ATP8B4: variants seen among roughly 807,000 people sequenced by gnomAD.
The protein encoded by ATP8B4 is probable phospholipid-transporting ATPase IM.
A neutral mutation model predicts 145.6 loss-of-function variants in ATP8B4; 133 were observed. The observed-to-expected ratio is 0.91, with a 90% CI of 0.79 to 1.05. The LOEUF (loss-of-function observed/expected upper bound fraction) is 1.05, where lower values mean the gene tolerates loss of function less well. ATP8B4 is among the 50% of genes least tolerant of loss of function. ATP8B4 has a pLI of 0.00. For synonymous variants in ATP8B4, 507 were observed against 492.9 expected (o/e 1.03, Z -0.38); for missense variants, 1,458 against 1,425.2 (o/e 1.02, Z -0.37).
upstream of ATP8B4, among the ~76,000 whole-genome samples, chr15:50,121,988 A>T (rs1179022821): frequency 3.3e-5 from 5 of 152,180 alleles, no homozygotes; most frequent in Admixed American, 3.3e-4. Flanking sequence ...CCAACTTTAC[A>T]CACATTTCAT....
At chr15:50,140,384 A>C (rs1014257177) in intron 1 of ATP8B4, among the ~76,000 whole-genome samples, 12 of 152,306 alleles carry the variant, frequency 7.9e-5, no homozygotes, top group African/African-American at 2.6e-4. Context: ...ATCACTTACA[A>C]TCCATTTCCT....
intron 6 of ATP8B4, among the ~76,000 whole-genome samples, chr15:50,015,247 A>C (rs547772600): frequency 9.8e-5 from 15 of 152,378 alleles, no homozygotes; most frequent in African/African-American, 3.4e-4. Flanking sequence ...ATAGAGAAAG[A>C]AAATGAAGAG....
At chr15:50,076,436 G>A (rs2054176855) in intron 2 of ATP8B4, among the ~76,000 whole-genome samples, 1 of 151,654 alleles carries the variant, frequency 6.6e-6, no homozygotes, top group African/African-American at 2.4e-5. Flanking sequence ...AGGTTGCAGT[G>A]AGCCAAGATT....
rs35773416 is a variant in ATP8B4 at position 50,160,015 on chromosome 15, C to CTTTTTTTTTTTT, written c.-43+22234_-43+22245dup. ...GATAAAATTCAGCATCAGGTCCTGG[C>CTTTTTTTTTTTT]TTTTTTTTTTTTTTTTTTTTTTTGC... On this transcript the variant is annotated intron_variant, in intron 1 of 3. Coordinates refer to the ATP8B4 transcript ENST00000558829. Among the ~76,000 whole-genome samples the CTTTTTTTTTTTT allele has an allele frequency of 1.2e-3, 24 of 20,094 alleles. 5 individuals are homozygous for CTTTTTTTTTTTT. Among genetic ancestry groups the CTTTTTTTTTTTT allele is most frequent in the Admixed American group, 3.0e-3 (4 of 1,316 alleles). The allele number at this position is 20,094 out of a possible 152,430, so 13.2% of individuals were successfully genotyped here. A position where few individuals can be genotyped will look rare whatever the true frequency, so the allele number is the denominator to read the frequency against.
intron 6 of ATP8B4, among the ~76,000 whole-genome samples, chr15:50,019,534 C>T (rs2049362829): frequency 1.3e-5 from 2 of 152,158 alleles, no homozygotes; most frequent in South Asian, 4.1e-4. Flanking sequence ...AATACTGTGA[C>T]TATTTTTTAT....
intron 9 of ATP8B4, among the ~76,000 whole-genome samples, chr15:49,990,999 G>GCTCA (rs1388792579): frequency 6.6e-6 from 1 of 151,962 alleles, no homozygotes; most frequent in Non-Finnish European, 1.5e-5. Context: ...AACTGTCAAG[G>GCTCA]CTCACCCATC....
intron 14 of ATP8B4, among the ~76,000 whole-genome samples, chr15:49,953,995 A>ATT (rs2043330066): frequency 2.0e-5 from 3 of 152,202 alleles, no homozygotes; most frequent in Non-Finnish European, 4.4e-5. Context: ...TCCGTGGGTC[A>ATT]TGCCAGCCTT....
intron 1 of ATP8B4, among the ~76,000 whole-genome samples, chr15:50,155,955 A>G (rs2044404400): frequency 6.6e-6 from 1 of 150,846 alleles, no homozygotes. Flanking sequence ...TTTCAGTTTC[A>G]AATGAGTTTA....
intron 3 of ATP8B4, among the ~76,000 whole-genome samples, chr15:50,072,677 G>A (rs1364460560): frequency 1.3e-5 from 2 of 151,570 alleles, no homozygotes; most frequent in East Asian, 3.9e-4. Flanking sequence ...GCTGGAGTGA[G>A]TGCAATGGTG....
At chr15:50,106,618 C>A (rs1025646125) in intron 2 of ATP8B4, among the ~76,000 whole-genome samples, 1 of 152,142 alleles carries the variant, frequency 6.6e-6, no homozygotes, top group Non-Finnish European at 1.5e-5. Context: ...TACGAAAGAA[C>A]ACATACTGTA....
chr15:49,910,878 A>G (rs2094981701), intron 20 of ATP8B4, among the ~76,000 whole-genome samples: 1 of 152,152 alleles, frequency 6.6e-6, no homozygotes. Context: ...CAACACTACT[A>G]GAAAAGCCCT....
chr15:50,085,878 T>TATATATTTATATATGATATATATC (rs2054893089), intron 2 of ATP8B4, among the ~76,000 whole-genome samples: 1 of 42,314 alleles, frequency 2.4e-5, no homozygotes, highest in African/African-American at 6.8e-5. Flanking sequence ...CATATATATT[T>TATATATTTATATATGATATATATC]ATATATTTAT....
At chr15:50,043,870 G>A (rs950281619) in intron 5 of ATP8B4, among the ~76,000 whole-genome samples, 5 of 150,966 alleles carry the variant, frequency 3.3e-5, no homozygotes, top group South Asian at 2.1e-4. Flanking sequence ...GGAGAATGGC[G>A]TGAACCCGGG....
chr15:50,030,308 G>T (rs909558048), intron 6 of ATP8B4, among the ~76,000 whole-genome samples: 1 of 152,104 alleles, frequency 6.6e-6, no homozygotes, highest in Non-Finnish European at 1.5e-5. Context: ...AGAACTTGGT[G>T]TATCTTTAAC....
intron 1 of ATP8B4, among the ~76,000 whole-genome samples, chr15:50,114,667 C>A (rs1228196133): frequency 2.6e-5 from 4 of 152,184 alleles, no homozygotes; most frequent in African/African-American, 9.6e-5. Flanking sequence ...CTTCTAAGCT[C>A]CAGTTTTCTC....
In ATP8B4 at chr15:49,931,251, T is replaced by C. The variant is rs1350132512; in HGVS notation, c.1510A>G (p.Arg504Gly). The C allele has an allele frequency of 1.2e-6, 2 of 1,612,832 alleles. No individual in the cohort carries two copies. The highest frequency in any genetic ancestry group is 1.7e-6 in the Non-Finnish European group (2 of 1,179,258). The part of the protein sequence containing the change: ...PDEGALVTAA[R>G]NFGFIFKSRT... ...GATTTAAAAATGAACCCAAAATTTC[T>C]AGCGGCAGTCACTAGAGCCCCTTCA... is the stretch of plus-strand genomic sequence containing the variant. Residue 504 changes from arginine to glycine, a missense_variant, in exon 16 of 28, where the codon AGA becomes GGA. Physicochemically the swap from Arg to Gly is moderately radical, Grantham distance 125. Coordinates refer to ENST00000284509, the MANE Select transcript of ATP8B4 (RefSeq NM_024837.4).
rs546730983 is a variant in ATP8B4, at chr15:50,047,212, GCAA to G, written c.201+136_201+138del. The G allele has an allele frequency of 3.7e-4, 222 of 606,992 alleles. 1 individual carries two copies. The African/African-American group carries it at 3.7e-3, about 10-fold the overall frequency. 37.6% of individuals were successfully genotyped at this position (606,992 alleles called of 1,614,324 possible). ...TCTCCCACGTTTGTGAAAAGAAACA[GCAA>G]CAACAAGATTAAAAATCTGATAAAG... On this transcript the variant is annotated intron_variant, in intron 4 of 27. Coordinates refer to ENST00000284509, the MANE Select transcript of ATP8B4 (RefSeq NM_024837.4).
At position 50,058,698 on chromosome 15, in the gene ATP8B4, G is replaced by A. The variant is rs570545044; in HGVS notation, c.88-11234C>T. ...TGTCAGCACCCTCTGCCATGCCCAG[G>A]GGGTACTGGAGCAACTGGGACCCTG... On this transcript the variant is annotated intron_variant, in intron 3 of 27. Transcript: ENST00000284509. Among the ~76,000 whole-genome samples the A allele has an allele frequency of 3.3e-5, 5 of 152,220 alleles. No individual in the cohort carries two copies. In the South Asian group the frequency reaches 8.3e-4, roughly 25 times the overall value.
At chr15:50,134,628 C>T (rs367913760) in intron 1 of ATP8B4, among the ~76,000 whole-genome samples, 1 of 152,040 alleles carries the variant, frequency 6.6e-6, no homozygotes, top group Admixed American at 6.6e-5. Context: ...AGATTATGAC[C>T]CTTACAATTA....
Sources: allele counts gnomAD v4.1 joint callset (sites outside exome capture counted in the v4.1 genomes callset), GRCh38; gene constraint gnomAD v4.1.1; transcripts MANE v1.5; gene names NCBI Gene and HGNC (gene_info 2026-07-23, HGNC 2026-07-21).